The following ACBD5 variants were observed in gnomAD, a reference collection of about 807,000 sequenced individuals.
ACBD5 encodes the protein acyl-CoA-binding domain-containing protein 5.
A neutral mutation model predicts 71.8 loss-of-function variants in ACBD5; 40 were observed. The observed-to-expected ratio is 0.56, with a 90% CI of 0.43 to 0.72. The LOEUF is 0.72. ACBD5 is among the 30% of genes least tolerant of loss of function. The pLI, the probability that ACBD5 is intolerant of heterozygous loss-of-function variation, is 0.00. For missense variants in ACBD5, 559 were observed against 644.5 expected, an observed-to-expected ratio of 0.87 and a Z score of 1.44; for synonymous variants, 229 against 218.6, an observed-to-expected ratio of 1.05 and a Z score of -0.42.
upstream of ACBD5, chr10:27,241,955 G>T: frequency 2.3e-6 from 1 of 428,008 alleles, no homozygotes; most frequent in Non-Finnish European, 4.8e-6. Context: ...GGATGGAAGA[G>T]TCGTTTTTGT....
chr10:27,227,009 A>ATTTTTTTTTTTTGTTTTTTTTT (rs2063143026), intron 4 of ACBD5, among the ~76,000 whole-genome samples: 1 of 78,392 alleles, frequency 1.3e-5, no homozygotes, highest in Non-Finnish European at 2.2e-5. Context: ...TTTTTTTGCG[A>ATTTTTTTTTTTTGTTTTTTTTT]TTTTTTTTTT....
intron 6 of ACBD5, among the ~76,000 whole-genome samples, chr10:27,218,791 G>A (rs2061967157): frequency 6.6e-6 from 1 of 151,910 alleles, no homozygotes; most frequent in Non-Finnish European, 1.5e-5. Flanking sequence ...TCACCATGTT[G>A]GTCAGGCTGG....
In ACBD5 at chr10:27,208,452, T is replaced by C. The variant is rs748094354; in HGVS notation, c.1205-7A>G. ...AAGTGTTGCATCCTATGTCCTATTT[T>C]AAGAGGCAAAAATAAGCTTGTTTTA... On this transcript the variant is annotated splice_polypyrimidine_tract_variant and splice_region_variant and intron_variant, in intron 9 of 12. Coordinates refer to ENST00000396271, the MANE Select transcript of ACBD5 (RefSeq NM_145698.5). 6 of 1,613,206 alleles carry C rather than the reference T, an allele frequency of 3.7e-6. No individual in the cohort carries two copies. Among genetic ancestry groups the C allele is most frequent in the Non-Finnish European group, 5.1e-6 (6 of 1,179,954 alleles).
At chr10:27,204,333 G>A (rs1363083995) in intron 12 of ACBD5, 107 bp downstream of exon 12, 20 of 765,586 alleles carry the variant, frequency 2.6e-5, no homozygotes, top group Admixed American at 2.4e-4. Context: ...TCACTATGAC[G>A]ATGTATCTAT....
At chr10:27,228,791 T>A (rs550551427) in intron 4 of ACBD5, among the ~76,000 whole-genome samples, 335 of 21,884 alleles carry the variant, frequency 0.015, 4 homozygotes, top group Middle Eastern at 0.12. Context: ...CCTATTATGT[T>A]TATATATATA....
At chr10:27,204,638 G>T in intron 11 of ACBD5, 89 bp from the exon 12 acceptor site, 2 of 925,160 alleles carry the variant, frequency 2.2e-6, no homozygotes, top group Non-Finnish European at 3.4e-6. Context: ...TTTGAAAGTA[G>T]AAAAGAAAAT....
rs1229159193 is a variant in ACBD5, at chr10:27,235,087, AT to A, written c.302+4del. 1 of 1,613,744 alleles carries A rather than the reference AT, an allele frequency of 6.2e-7. No homozygotes were observed. Among genetic ancestry groups the A allele is most frequent in the South Asian group, 1.1e-5 (1 of 91,076 alleles). ...ATTCTTGCATAGCTCTACACAAAAA[AT>A]TACCATTTATATCTTCCAATAGGAT... On this transcript the variant is annotated splice_donor_region_variant and intron_variant, in intron 3 of 12. Transcript: ENST00000396271.
At chr10:27,200,729 G>A (rs1237680802) in intron 12 of ACBD5, among the ~76,000 whole-genome samples, 1 of 152,138 alleles carries the variant, frequency 6.6e-6, no homozygotes, top group Admixed American at 6.5e-5. Context: ...AAAGTGCTGG[G>A]ATTACAGGCG....
At chr10:27,242,109 C>T (rs2065573560), upstream of ACBD5, 1 of 448,890 alleles carries the variant, frequency 2.2e-6, no homozygotes, top group Non-Finnish European at 4.5e-6. Flanking sequence ...ACGCCCGCCC[C>T]TCGCCCTGCC....
downstream of ACBD5, among the ~76,000 whole-genome samples, chr10:27,194,780 G>A (rs1021623919): frequency 7.9e-5 from 12 of 151,744 alleles, no homozygotes; most frequent in East Asian, 1.9e-4. Context: ...GGTAGATCAC[G>A]AGGTCAAGAG....
chr10:27,197,704 G>A (rs1180077813), intron 12 of ACBD5, among the ~76,000 whole-genome samples: 1 of 152,160 alleles, frequency 6.6e-6, no homozygotes, highest in Non-Finnish European at 1.5e-5. Context: ...GGACTGCAAT[G>A]GTGCCATCTT....
At chr10:27,228,849 A>C (rs1479313085) in intron 4 of ACBD5, among the ~76,000 whole-genome samples, 1 of 8,402 alleles carries the variant, frequency 1.2e-4, no homozygotes, top group South Asian at 6.2e-3. Context: ...GAGACAGATT[A>C]TTGCCGTTAC....
chr10:27,193,862 C>G (rs1458578100), downstream of ACBD5, among the ~76,000 whole-genome samples: 1 of 152,178 alleles, frequency 6.6e-6, no homozygotes, highest in African/African-American at 2.4e-5. Flanking sequence ...GCCACCACAG[C>G]TGGGTTTCTA....
At position 27,210,922 on chromosome 10, in the gene ACBD5, C is replaced by CTTTTTTTTTTTT. The variant is rs1162124691; in HGVS notation, c.1095_1096insAAAAAAAAAAAA (p.Lys365_Gly366insLysLysLysLys). 1 of 1,614,056 alleles carries CTTTTTTTTTTTT rather than the reference C, an allele frequency of 6.2e-7. No homozygotes were observed. Among genetic ancestry groups the CTTTTTTTTTTTT allele is most frequent in the African/African-American group, 1.3e-5 (1 of 74,924 alleles). ...TCTTCTCCTCCATGCTTGACTTCAC[C>CTTTTTTTTTTTT]TTTTCCTTCAACTGCAACCACCTGC... On this transcript the variant is annotated inframe_insertion, in exon 9 of 13. Transcript: ENST00000396271.
At chr10:27,227,503 C>A (rs74126943) in intron 4 of ACBD5, among the ~76,000 whole-genome samples, 5,284 of 152,272 alleles carry the variant, frequency 0.035, 229 homozygotes, top group East Asian at 0.11. Flanking sequence ...CTAGATATCA[C>A]TTCTGAGTAT....
chr10:27,205,749 C>T (rs1366789285), intron 10 of ACBD5, among the ~76,000 whole-genome samples: 2 of 151,372 alleles, frequency 1.3e-5, no homozygotes, highest in Non-Finnish European at 2.9e-5. Context: ...AGGCTGGTCT[C>T]GAACTCCCGA....
At chr10:27,223,736 T>A (rs913205069) in intron 4 of ACBD5, among the ~76,000 whole-genome samples, 1 of 151,884 alleles carries the variant, frequency 6.6e-6, no homozygotes, top group Non-Finnish European at 1.5e-5. Context: ...TGAGACCCTG[T>A]CTCTTAAAAA....
chr10:27,209,156 A>G (rs1353679180), intron 9 of ACBD5, among the ~76,000 whole-genome samples: 2 of 151,728 alleles, frequency 1.3e-5, no homozygotes, highest in Non-Finnish European at 2.9e-5. Context: ...AATGCTTGGG[A>G]TCAAGCAATC....
chr10:27,187,853 T>C (rs551392248), intron 13 of ACBD5, among the ~76,000 whole-genome samples: 1 of 152,320 alleles, frequency 6.6e-6, no homozygotes, highest in African/African-American at 2.4e-5. Flanking sequence ...TTACATCTTA[T>C]TGTCATTTAT....
Sources: gnomAD v4.1 joint callset for allele counts (sites outside exome capture counted in the v4.1 genomes callset) on GRCh38, gnomAD v4.1.1 for gene constraint, MANE v1.5 for transcripts, NCBI Gene and HGNC (gene_info 2026-07-23, HGNC 2026-07-21) for gene names.